Variants in ZFAND4 observed in about 807,000 individuals in gnomAD.
ZFAND4 encodes the protein zinc finger AN1-type containing 4.
A neutral mutation model predicts 64.4 loss-of-function variants in ZFAND4; 43 were observed. The observed-to-expected ratio is 0.67, with a 90% CI of 0.52 to 0.86. The LOEUF (loss-of-function observed/expected upper bound fraction) is 0.86, where lower values mean the gene tolerates loss of function less well. Among genes scored for constraint, ZFAND4 ranks in the 40% least tolerant of loss-of-function variants. ZFAND4 has a pLI of 0.00. For synonymous variants in ZFAND4, 296 were observed against 305.7 expected (o/e 0.97, Z 0.33); for missense variants, 929 against 859.8 (o/e 1.08, Z -1.01).
intron 2 of ZFAND4, among the ~76,000 whole-genome samples, chr10:45,661,076 G>C (rs529252372): frequency 6.6e-6 from 1 of 152,254 alleles, no homozygotes; most frequent in East Asian, 1.9e-4. Flanking sequence ...AAAGGAAGAG[G>C]GCTGGGCCTG....
At chr10:45,637,258 T>C (rs1246625979) in intron 6 of ZFAND4, among the ~76,000 whole-genome samples, 1 of 150,468 alleles carries the variant, frequency 6.6e-6, no homozygotes. Context: ...CGAGAATCAC[T>C]TGAACCAAGG....
intron 2 of ZFAND4, among the ~76,000 whole-genome samples, chr10:45,660,160 C>CAAAAAAAA (rs59673620): frequency 4.3e-5 from 4 of 92,546 alleles, no homozygotes; most frequent in East Asian, 2.5e-4. Context: ...AGACGCATCT[C>CAAAAAAAA]AAAAAAAAAA....
intron 2 of ZFAND4, among the ~76,000 whole-genome samples, chr10:45,661,645 A>C (rs1184363418): frequency 6.6e-6 from 1 of 152,180 alleles, no homozygotes; most frequent in Non-Finnish European, 1.5e-5. Flanking sequence ...GAAAGGGCTT[A>C]AAATGTGTTT....
chr10:45,639,575 T>A (rs1159938220), intron 6 of ZFAND4: 2 of 284,852 alleles, frequency 7.0e-6, no homozygotes, highest in Non-Finnish European at 1.3e-5. Flanking sequence ...TCTCTTTTTT[T>A]ATCCTTCTTA....
intron 8 of ZFAND4, among the ~76,000 whole-genome samples, chr10:45,618,668 C>T (rs373586364): frequency 6.6e-6 from 1 of 152,150 alleles, no homozygotes; most frequent in East Asian, 1.9e-4. Context: ...AAAAGAAGTA[C>T]CAGAATATCA....
At chr10:45,667,458 CTTTTTTTT>C (rs60572011) in intron 1 of ZFAND4, among the ~76,000 whole-genome samples, 152 of 90,628 alleles carry the variant, frequency 1.7e-3, no homozygotes, top group Non-Finnish European at 2.6e-3. Context: ...TCTTTTCTTT[CTTTTTTTT>C]TTTTTTTTTT....
intron 4 of ZFAND4, chr10:45,650,536 T>C (rs954583699): frequency 6.6e-6 from 1 of 151,244 alleles, no homozygotes; most frequent in Admixed American, 6.6e-5. Flanking sequence ...AAGTAAAAAA[T>C]ATATATATTT....
At chr10:45,648,670 G>T (rs2133770652) in intron 4 of ZFAND4, 136 bp from the exon 5 acceptor site, 1 of 1,011,998 alleles carries the variant, frequency 9.9e-7, no homozygotes, top group Non-Finnish European at 1.3e-6. Flanking sequence ...CTTCAAATAA[G>T]TTTCTGATCT....
chr10:45,654,178 G>T (rs1450723625), intron 2 of ZFAND4, among the ~76,000 whole-genome samples: 5 of 152,138 alleles, frequency 3.3e-5, no homozygotes, highest in Non-Finnish European at 5.9e-5. Context: ...GGGGAGGGAA[G>T]GGGATGTGGG....
intron 1 of ZFAND4, among the ~76,000 whole-genome samples, chr10:45,664,234 T>C (rs1483499292): frequency 5.3e-5 from 8 of 152,010 alleles, no homozygotes; most frequent in African/African-American, 1.9e-4. Flanking sequence ...ATGTCTTCTA[T>C]ACCATATAAA....
chr10:45,646,651 A>G (rs2047403770), intron 5 of ZFAND4, among the ~76,000 whole-genome samples: 1 of 152,186 alleles, frequency 6.6e-6, no homozygotes, highest in Non-Finnish European at 1.5e-5. Flanking sequence ...AAAACACAGC[A>G]TAATGAGAAG....
intron 8 of ZFAND4, among the ~76,000 whole-genome samples, chr10:45,619,245 T>C (rs2045238587): frequency 6.7e-6 from 1 of 149,166 alleles, no homozygotes; most frequent in Non-Finnish European, 1.5e-5. Context: ...TTCACCATCT[T>C]GGTCAGTCTG....
At chr10:45,628,843 C>G (rs2046010877) in intron 6 of ZFAND4, among the ~76,000 whole-genome samples, 1 of 146,932 alleles carries the variant, frequency 6.8e-6, no homozygotes, top group South Asian at 2.2e-4. Context: ...ATCTGCAAAG[C>G]CTATGCCTGT....
At chr10:45,660,578 C>T (rs1257123465) in intron 2 of ZFAND4, among the ~76,000 whole-genome samples, 1 of 151,226 alleles carries the variant, frequency 6.6e-6, no homozygotes, top group African/African-American at 2.4e-5. Context: ...GAATACCAAA[C>T]ACGATAACTA....
chr10:45,648,157 G>T, intron 5 of ZFAND4, 137 bp downstream of exon 5: 1 of 874,722 alleles, frequency 1.1e-6, no homozygotes, highest in East Asian at 3.1e-5. Context: ...AAAAACCTCA[G>T]TTTTATCATA....
intron 2 of ZFAND4, among the ~76,000 whole-genome samples, chr10:45,660,614 T>C (rs1354387299): frequency 6.6e-6 from 1 of 152,002 alleles, no homozygotes; most frequent in Non-Finnish European, 1.5e-5. Context: ...CTTCAACATA[T>C]TATATCAAAC....
intron 2 of ZFAND4, among the ~76,000 whole-genome samples, chr10:45,655,758 T>C (rs780349360): frequency 5.9e-5 from 9 of 152,150 alleles, no homozygotes; most frequent in Non-Finnish European, 1.3e-4. Context: ...CTAGAAAATC[T>C]AGATGAAATG....
Position 45,627,668 on chromosome 10 carries a change from C to T in ZFAND4, c.718-563G>A, listed in dbSNP as rs1188457128. Among the ~76,000 whole-genome samples, 5 of 152,240 alleles carry T rather than the reference C, an allele frequency of 3.3e-5. No homozygotes were observed. In the East Asian group the frequency reaches 9.7e-4, roughly 29 times the overall value. On this transcript the variant is annotated intron_variant, in intron 6 of 9. Transcript: ENST00000344646. ...AAACTATTTACGCAATAATACAGTT[C>T]ATGATGAACACTTGCTTTCCTTTTG...
In ZFAND4 at chr10:45,640,405, T is replaced by C. The variant is rs763709577; in HGVS notation, c.570-442A>G. On this transcript the variant is annotated intron_variant, in intron 5 of 9. Coordinates refer to ENST00000344646, the MANE Select transcript of ZFAND4 (RefSeq NM_174890.4). ...GGAGAGAAGTACAGATTTTTAGTCA[T>C]CCTGAGGAGATTCTCACTAAAAAAA... The C allele has an allele frequency of 8.5e-6, 10 of 1,170,206 alleles. No homozygotes were observed. In the South Asian group the frequency reaches 1.1e-4, roughly 13 times the overall value. The allele number at this position is 1,170,206 out of a possible 1,614,324, so 72.5% of individuals were successfully genotyped here.
Sources: gnomAD v4.1 joint callset for allele counts (sites outside exome capture counted in the v4.1 genomes callset) on GRCh38, gnomAD v4.1.1 for gene constraint, MANE v1.5 for transcripts, NCBI Gene and HGNC (gene_info 2026-07-23, HGNC 2026-07-21) for gene names.